Variants in PIEZO2 observed in about 807,000 individuals in gnomAD.
PIEZO2 encodes piezo type mechanosensitive ion channel component 2, also known as piezo-type mechanosensitive ion channel component 2.
PIEZO2 carries 172 observed loss-of-function variants against 337.3 expected under a neutral mutation model. The ratio of observed to expected loss-of-function variants is 0.51; its 90% CI spans 0.45 to 0.58. PIEZO2 has a LOEUF of 0.58. PIEZO2 is among the 20% of genes least tolerant of loss of function. The pLI, the probability that PIEZO2 is intolerant of heterozygous loss-of-function variation, is 0.00. For synonymous variants in PIEZO2, 1,251 were observed against 1,228.5 expected (o/e 1.02, Z -0.38); for missense variants, 3,028 against 3,391.3 (o/e 0.89, Z 2.66).
rs111807626 is a variant in PIEZO2 at position 10,790,985 on chromosome 18, C to T, written c.1882+216G>A. ...TCCCAAAGTGCTGGGATTACAGGCG[C>T]GAGCCACGGCGCCCGGCCCAACTGG... On this transcript the variant is annotated intron_variant, in intron 14 of 55. Coordinates refer to ENST00000674853, the MANE Select transcript of PIEZO2 (RefSeq NM_001378183.1). 4.4e-3 allele frequency among the ~76,000 whole-genome samples: 673 copies of T among 152,218 alleles called. 2 individuals carry two copies. The highest frequency in any genetic ancestry group is 6.8e-3 in the Middle Eastern group (2 of 294).
At position 11,021,885 on chromosome 18, in the gene PIEZO2, A is replaced by G. The variant is rs930734227; in HGVS notation, c.161-42225T>C. On this transcript the variant is annotated intron_variant, in intron 2 of 55. Coordinates refer to ENST00000674853, the MANE Select transcript of PIEZO2 (RefSeq NM_001378183.1). The surrounding 1 kb of genome is among the most constrained non-coding windows in gnomAD (Gnocchi z 4.7). Reference sequence around the variant, plus strand: ...AGAGTCCAGATGCTGCCTTTTCTCAATGGCATCCCTTGGACTTCCCTTTCC... The same window carrying G: ...AGAGTCCAGATGCTGCCTTTTCTCAGTGGCATCCCTTGGACTTCCCTTTCC... 6.6e-6 allele frequency among the ~76,000 whole-genome samples: 1 copy of G among 152,096 alleles called. No homozygotes were observed. The highest frequency in any genetic ancestry group is 1.5e-5 in the Non-Finnish European group (1 of 68,028).
intron 1 of PIEZO2, among the ~76,000 whole-genome samples, chr18:11,071,439 G>T (rs2038335454): frequency 1.3e-5 from 2 of 152,212 alleles, no homozygotes; most frequent in Admixed American, 6.5e-5. Flanking sequence ...CCAGGTGTTT[G>T]GGCTACATCA....
At chr18:10,711,320 A>T (rs2035810349) in intron 39 of PIEZO2, among the ~76,000 whole-genome samples, 1 of 152,188 alleles carries the variant, frequency 6.6e-6, no homozygotes. Flanking sequence ...TTTATTTTCA[A>T]TTCACCTTTG....
intron 7 of PIEZO2, among the ~76,000 whole-genome samples, chr18:10,841,975 G>T (rs962635395): frequency 3.3e-5 from 5 of 152,104 alleles, no homozygotes; most frequent in African/African-American, 1.2e-4. Flanking sequence ...GGCCAACATG[G>T]TGAAACTCTG....
chr18:10,731,488 T>C lies in PIEZO2; in HGVS notation c.4948A>G (p.Thr1650Ala). The change falls in exon 36 of 56, where the codon ACA becomes GCA. Residue 1650 changes from threonine (T) to alanine (A), a missense_variant. Transcript: ENST00000674853. The part of the protein sequence containing the change: ...VYQAWITDPK[T>A]ALRQRHKEKK... ...TCTTTGTGTCTTTGTCGGAGTGCTGTTTTAGGATCAGTAATCCAGGCTTGA... is the reference window on the plus strand; with the variant it reads ...TCTTTGTGTCTTTGTCGGAGTGCTGCTTTAGGATCAGTAATCCAGGCTTGA... 6.5e-7 allele frequency: 1 copy of C among 1,533,824 alleles called. No homozygotes were observed. Among genetic ancestry groups the C allele is most frequent in the Non-Finnish European group, 8.7e-7 (1 of 1,145,288 alleles).
intron 21 of PIEZO2, among the ~76,000 whole-genome samples, chr18:10,769,556 A>C (rs1314041815): frequency 1.3e-5 from 2 of 151,574 alleles, no homozygotes; most frequent in African/African-American, 2.4e-5. Flanking sequence ...GAAATAATCC[A>C]GGCATATAGA....
At chr18:10,704,703 A>C (rs1306961310) in intron 41 of PIEZO2, 51 bp from the exon 42 acceptor site, 8 of 1,507,608 alleles carry the variant, frequency 5.3e-6, no homozygotes, top group Non-Finnish European at 7.1e-6. Context: ...CTTCTTTTTG[A>C]GATGGAGTTT....
rs1014455822 is a variant in PIEZO2, at chr18:11,070,196, T to C, written c.65-3974A>G. Among the ~76,000 whole-genome samples, 2 of 152,238 alleles carry C rather than the reference T, an allele frequency of 1.3e-5. No homozygotes were observed. Among genetic ancestry groups the C allele is most frequent in the African/African-American group, 4.8e-5 (2 of 41,464 alleles). ...GGCCAAAAACCTATGCAGCATATGT[T>C]ACTGTGCTGAATACTATAGACAACT... is the stretch of plus-strand genomic sequence containing the variant. On this transcript the variant is annotated intron_variant, in intron 1 of 55. Transcript: ENST00000674853. The surrounding 1 kb of genome is among the most constrained non-coding windows in gnomAD (Gnocchi z 4.3).
At chr18:11,025,388 C>T (rs529178960) in intron 2 of PIEZO2, among the ~76,000 whole-genome samples, 40 of 152,188 alleles carry the variant, frequency 2.6e-4, no homozygotes, top group South Asian at 2.3e-3. Context: ...TTAGTGTTTC[C>T]GTGAATTGCC....
chr18:11,114,619 C>T (rs1020470982), intron 1 of PIEZO2, among the ~76,000 whole-genome samples: 2 of 151,800 alleles, frequency 1.3e-5, no homozygotes, highest in African/African-American at 4.8e-5. Flanking sequence ...GAGCTGAGAT[C>T]GTGCCACTGC....
chr18:10,867,859 T>C (rs1339023449), intron 5 of PIEZO2, among the ~76,000 whole-genome samples: 2 of 152,256 alleles, frequency 1.3e-5, no homozygotes, highest in Admixed American at 6.5e-5. Context: ...GACTGATTTG[T>C]AGATCTGCTT....
intron 2 of PIEZO2, 93 bp downstream of exon 2, chr18:11,066,034 T>A: frequency 2.0e-6 from 2 of 982,122 alleles, no homozygotes; most frequent in Non-Finnish European, 3.0e-6. Flanking sequence ...ATAGATAACA[T>A]CTCTGCCATT....
At chr18:11,018,519 G>A (rs1354261925) in intron 2 of PIEZO2, among the ~76,000 whole-genome samples, 4 of 151,320 alleles carry the variant, frequency 2.6e-5, no homozygotes, top group South Asian at 2.1e-4. Flanking sequence ...AGAGTTTGAC[G>A]TAATTGTGGT....
Position 10,697,880 on chromosome 18 carries a change from C to T in PIEZO2, c.6695G>A (p.Gly2232Asp), listed in dbSNP as rs757627635. The T allele has an allele frequency of 6.2e-7, 1 of 1,608,202 alleles. No individual in the cohort carries two copies. The highest frequency in any genetic ancestry group is 2.2e-5 in the East Asian group (1 of 44,834). The change falls in exon 45 of 56, where the codon GGC (glycine) becomes GAC (aspartate). Residue 2232 changes from glycine to aspartate, a missense_variant and splice_region_variant. This residue lies in a region of PIEZO2 where 1,925 missense variants were observed against 2,051.9 expected (regional missense o/e 0.94). Transcript: ENST00000674853. ...SSFSSNRSQR[G>D]STSTRNSSQK... ...ACTGCTGTTTCGGGTGCTTGTGCTGCCTAGAAATAAAAAGAGATCATAAGA... is the reference window on the plus strand; with the variant it reads ...ACTGCTGTTTCGGGTGCTTGTGCTGTCTAGAAATAAAAAGAGATCATAAGA...
At position 10,813,971 on chromosome 18, in the gene PIEZO2, A is replaced by ATT. The variant is rs762220299; in HGVS notation, c.918-6699_918-6698dup. 1.9e-4 allele frequency among the ~76,000 whole-genome samples: 27 copies of ATT among 142,774 alleles called. No individual in the cohort carries two copies. The highest frequency in any genetic ancestry group is 6.9e-4 in the African/African-American group (27 of 38,946). The allele number at this position is 142,774 out of a possible 152,430, so 93.7% of individuals were successfully genotyped here. Reference sequence around the variant, plus strand: ...ATAGGTGTGAGATGGGACACCATATATTTTTTTTTTTTTTGAGATGGAGTT... The same window carrying ATT: ...ATAGGTGTGAGATGGGACACCATATATTTTTTTTTTTTTTTTGAGATGGAGTT... On this transcript the variant is annotated intron_variant, in intron 7 of 55. Coordinates refer to ENST00000674853, the MANE Select transcript of PIEZO2 (RefSeq NM_001378183.1). The surrounding 1 kb of genome is among the most constrained non-coding windows in gnomAD (Gnocchi z 4.2).
intron 2 of PIEZO2, among the ~76,000 whole-genome samples, chr18:11,039,856 C>T (rs1330588672): frequency 3.3e-5 from 5 of 151,754 alleles, no homozygotes; most frequent in Admixed American, 6.6e-5. Flanking sequence ...TTTTAAGATC[C>T]CTTCAAGGAT....
At chr18:10,901,998 C>T (rs1219378942) in intron 4 of PIEZO2, among the ~76,000 whole-genome samples, 3 of 152,034 alleles carry the variant, frequency 2.0e-5, no homozygotes, top group Non-Finnish European at 4.4e-5. Context: ...TCGTCCATAG[C>T]CTGTTAAGAG....
Position 10,855,327 on chromosome 18 carries a change from G to C in PIEZO2, c.917+26C>G. 2 of 1,509,198 alleles carry C rather than the reference G, an allele frequency of 1.3e-6. No homozygotes were observed. Among genetic ancestry groups the C allele is most frequent in the Non-Finnish European group, 1.8e-6 (2 of 1,121,714 alleles). The allele number at this position is 1,509,198 out of a possible 1,614,324, so 93.5% of individuals were successfully genotyped here. ...AAGGCGTGGGGGGACAACCTCTCCT[G>C]GAAATGCCATAAGGATTTCTCTTAC... On this transcript the variant is annotated intron_variant, in intron 7 of 55. Coordinates refer to ENST00000674853, the MANE Select transcript of PIEZO2 (RefSeq NM_001378183.1). The surrounding 1 kb of genome is among the most constrained non-coding windows in gnomAD (Gnocchi z 4.9).
chr18:11,147,966 G>A (rs953089836), intron 1 of PIEZO2, among the ~76,000 whole-genome samples: 2 of 152,238 alleles, frequency 1.3e-5, no homozygotes, highest in Admixed American at 1.3e-4. Flanking sequence ...AGGGGCTTTT[G>A]TGGAGGTTTT....
Sources: gnomAD v4.1 joint callset for allele counts (sites outside exome capture counted in the v4.1 genomes callset) on GRCh38, gnomAD v4.1.1 for gene constraint, gnomAD v4.1.1 regional missense constraint, Gnocchi (gnomAD v3.1) non-coding constraint, MANE v1.5 for transcripts, NCBI Gene and HGNC (gene_info 2026-07-23, HGNC 2026-07-21) for gene names.